The following FMN1 variants were observed in gnomAD, a reference collection of about 807,000 sequenced individuals.
FMN1 encodes formin-1.
FMN1 carries 110 observed loss-of-function variants against 132.4 expected under a neutral mutation model. That is an observed-to-expected ratio of 0.83 (90% confidence interval 0.71 to 0.97). The LOEUF is 0.97. FMN1 is among the 50% of genes least tolerant of loss of function. The pLI is 0.00. For synonymous variants in FMN1, 722 were observed against 651.7 expected, an observed-to-expected ratio of 1.11 and a Z score of -1.64; for missense variants, 1,792 against 1,705.3, an observed-to-expected ratio of 1.05 and a Z score of -0.90.
intron 16 of FMN1, among the ~76,000 whole-genome samples, chr15:32,883,612 G>A (rs12050712): frequency 1.4e-4 from 21 of 146,878 alleles, no homozygotes; most frequent in African/African-American, 3.5e-4. Context: ...CCTCCCCTAC[G>A]TTACTAGAGA....
intron 7 of FMN1, among the ~76,000 whole-genome samples, chr15:32,973,521 G>A (rs1287203270): frequency 6.6e-6 from 1 of 152,074 alleles, no homozygotes; most frequent in Non-Finnish European, 1.5e-5. Flanking sequence ...ATGCTGCAAT[G>A]ATAGTAAGAA....
At chr15:32,919,177 G>C (rs1379550538) in intron 10 of FMN1, among the ~76,000 whole-genome samples, 1 of 151,982 alleles carries the variant, frequency 6.6e-6, no homozygotes, top group Admixed American at 6.6e-5. Flanking sequence ...ATTAAATGAA[G>C]TTTTCTTATT....
intron 16 of FMN1, among the ~76,000 whole-genome samples, chr15:32,866,079 G>C (rs540208186): frequency 6.6e-6 from 1 of 151,686 alleles, no homozygotes; most frequent in African/African-American, 2.4e-5. Context: ...GGCCTGTTGT[G>C]GGGTGGCGGG....
rs781315681 is a variant in FMN1 at position 32,795,602 on chromosome 15, G to A, written c.4130+3202C>T. Among the ~76,000 whole-genome samples, 3 of 151,684 alleles carry A rather than the reference G, an allele frequency of 2.0e-5. No homozygotes were observed. In the South Asian group the frequency reaches 6.3e-4, roughly 32 times the overall value. ...GCCAATTAATGGGGGTGGGGGGGTG[G>A]CAGGGTGAAGGGTAAAAATGCCTGT... is the stretch of plus-strand genomic sequence containing the variant. On this transcript the variant is annotated intron_variant, in intron 19 of 20. Transcript: ENST00000616417.
chr15:33,116,248 C>A (rs1292900613), intron 4 of FMN1, among the ~76,000 whole-genome samples: 1 of 147,698 alleles, frequency 6.8e-6, no homozygotes, highest in African/African-American at 2.4e-5. Context: ...TAATGTTCTA[C>A]TTTCCTTTAT....
At chr15:33,017,908 T>C (rs1190044568) in intron 6 of FMN1, among the ~76,000 whole-genome samples, 1 of 151,932 alleles carries the variant, frequency 6.6e-6, no homozygotes, top group Non-Finnish European at 1.5e-5. Flanking sequence ...CTACCAAAAA[T>C]ACAAAAATTT....
In FMN1 at chr15:32,928,980, C is replaced by T. The variant is rs529153903; in HGVS notation, c.3139-2719G>A. Reference sequence around the variant, plus strand: ...CTGAGTAAAATGAGGCAAATCTACCCCTCACCCCATTATACAACCAGACTT... The same window carrying T: ...CTGAGTAAAATGAGGCAAATCTACCTCTCACCCCATTATACAACCAGACTT... On this transcript the variant is annotated intron_variant, in intron 9 of 20. Coordinates refer to ENST00000616417, the MANE Select transcript of FMN1 (RefSeq NM_001277313.2). Among the ~76,000 whole-genome samples the T allele has an allele frequency of 9.2e-5, 14 of 152,280 alleles. No individual in the cohort carries two copies. In the East Asian group the frequency reaches 1.5e-3, roughly 17 times the overall value.
At position 32,770,469 on chromosome 15, in the gene FMN1, TC is replaced by T. The variant is rs1445808839; in HGVS notation, c.*3840del. 2.6e-5 allele frequency: 4 copies of T among 152,246 alleles called. No individual in the cohort carries two copies. The highest frequency in any genetic ancestry group is 5.9e-5 in the Non-Finnish European group (4 of 68,050). The allele number at this position is 152,246 out of a possible 1,614,324, so 9.4% of individuals were successfully genotyped here. ...AATCTTTGCCCAAAATAAACATATT[TC>T]TTCTGCTACATCTCACTGCGGCCCT... On this transcript the variant is annotated 3_prime_UTR_variant, in exon 21 of 21. Transcript: ENST00000616417.
chr15:32,872,802 T>C (rs2059546781), intron 16 of FMN1, among the ~76,000 whole-genome samples: 1 of 152,236 alleles, frequency 6.6e-6, no homozygotes, highest in Admixed American at 6.5e-5. Context: ...CTCTGACCTC[T>C]GAGCCCATGT....
At chr15:33,086,367 A>C (rs557347469) in intron 5 of FMN1, among the ~76,000 whole-genome samples, 21 of 122,198 alleles carry the variant, frequency 1.7e-4, no homozygotes, top group Middle Eastern at 4.3e-3. Context: ...AAAAAATACA[A>C]AAAAAAATTT....
At chr15:33,172,763 A>C (rs751244248) in intron 3 of FMN1, among the ~76,000 whole-genome samples, 2 of 152,252 alleles carry the variant, frequency 1.3e-5, no homozygotes, top group Admixed American at 1.3e-4. Context: ...TAGTCCTCTA[A>C]GTATAGCACA....
intron 7 of FMN1, among the ~76,000 whole-genome samples, chr15:32,983,677 A>G (rs1476360089): frequency 6.6e-6 from 1 of 152,188 alleles, no homozygotes; most frequent in Admixed American, 6.5e-5. Flanking sequence ...CTGTTGAAAA[A>G]AGACATTATC....
intron 4 of FMN1, among the ~76,000 whole-genome samples, chr15:33,143,821 A>G (rs1408148585): frequency 6.6e-6 from 1 of 152,248 alleles, no homozygotes; most frequent in Non-Finnish European, 1.5e-5. Flanking sequence ...ACTGCAAAGC[A>G]TGCATCCAAA....
chr15:32,951,660 T>C (rs976052047), intron 9 of FMN1, among the ~76,000 whole-genome samples: 10 of 152,196 alleles, frequency 6.6e-5, no homozygotes, highest in South Asian at 2.1e-4. Context: ...GAAAGCACCA[T>C]TGATGTGCCA....
intron 16 of FMN1, among the ~76,000 whole-genome samples, chr15:32,858,089 A>G (rs763754123): frequency 1.3e-5 from 2 of 152,228 alleles, no homozygotes; most frequent in Non-Finnish European, 2.9e-5. Flanking sequence ...GGTTCACAAA[A>G]TAGAGAAACA....
intron 6 of FMN1, among the ~76,000 whole-genome samples, chr15:33,023,059 C>CAAAAAAAAAA (rs758459713): frequency 1.9e-5 from 1 of 53,176 alleles, no homozygotes. Flanking sequence ...CTCCCCCACC[C>CAAAAAAAAAA]AAAAAAAAAA....
At position 32,926,269 on chromosome 15, in the gene FMN1, T is replaced by TAA; in HGVS notation, c.3139-9_3139-8insTT. On this transcript the variant is annotated splice_polypyrimidine_tract_variant and intron_variant, in intron 9 of 20. Coordinates refer to ENST00000616417, the MANE Select transcript of FMN1 (RefSeq NM_001277313.2). Reference sequence around the variant, plus strand: ...ATCCAACAATTTGATGATCTAAAATTAGAAAAAAAAAAAAAAGAATACAAG... The same window carrying TAA: ...ATCCAACAATTTGATGATCTAAAATTAAAGAAAAAAAAAAAAAAGAATACAAG... 14 of 1,363,002 alleles carry TAA rather than the reference T, an allele frequency of 1.0e-5. No homozygotes were observed. Among genetic ancestry groups the TAA allele is most frequent in the South Asian group, 4.5e-5 (3 of 66,248 alleles). 84.4% of individuals were successfully genotyped at this position (1,363,002 alleles called of 1,614,324 possible). A position where few individuals can be genotyped will look rare whatever the true frequency, so the allele number is the denominator to read the frequency against.
At chr15:32,792,275 C>CAAA (rs11461605) in intron 19 of FMN1, among the ~76,000 whole-genome samples, 26 of 111,712 alleles carry the variant, frequency 2.3e-4, no homozygotes, top group South Asian at 9.3e-4. Context: ...CAGTCTCTAC[C>CAAA]AAAAAAAAAA....
At chr15:33,050,560 AAC>A (rs1275848952) in intron 6 of FMN1, among the ~76,000 whole-genome samples, 2 of 152,348 alleles carry the variant, frequency 1.3e-5, no homozygotes, top group South Asian at 2.1e-4. Context: ...AAATTTAAAA[AAC>A]AGTGTGTGAT....
Sources: gnomAD v4.1 joint callset for allele counts (sites outside exome capture counted in the v4.1 genomes callset) on GRCh38, gnomAD v4.1.1 for gene constraint, MANE v1.5 for transcripts, NCBI Gene and HGNC (gene_info 2026-07-23, HGNC 2026-07-21) for gene names.